STRN: variants seen among roughly 807,000 people sequenced by gnomAD.
The protein encoded by STRN is protein phosphatase 2 regulatory subunit B'''alpha.
In STRN, 53 loss-of-function variants were observed where a neutral mutation model predicts 96.3. The ratio of observed to expected loss-of-function variants is 0.55; its 90% CI spans 0.44 to 0.69. The LOEUF (loss-of-function observed/expected upper bound fraction) is 0.69, where lower values mean the gene tolerates loss of function less well. Among genes scored for constraint, STRN ranks in the 30% least tolerant of loss-of-function variants. The pLI, the probability that STRN is intolerant of heterozygous loss-of-function variation, is 0.00. For missense variants in STRN, 987 were observed against 963.9 expected (o/e 1.02, Z -0.32); for synonymous variants, 428 against 355.9 (o/e 1.20, Z -2.28).
intron 1 of STRN, among the ~76,000 whole-genome samples, chr2:36,947,836 C>T (rs1324528233): frequency 6.6e-6 from 1 of 151,560 alleles, no homozygotes; most frequent in Non-Finnish European, 1.5e-5. Flanking sequence ...GAGGTAAGTA[C>T]TGATCCCAAG....
At position 36,966,327 on chromosome 2, in the gene STRN, T is replaced by C; in HGVS notation, c.137A>G (p.Gln46Arg). ...GTGCAGGATCCCCGGGAGACTGTACTGGGCTCGGGCCGCCCCCGCCGCAGC... is the reference window on the plus strand; with the variant it reads ...GTGCAGGATCCCCGGGAGACTGTACCGGGCTCGGGCCGCCCCCGCCGCAGC... The part of the protein sequence containing the change: ...GAAAAGAARA[Q>R]YSLPGILHFL... The change falls in exon 1 of 18, where the codon CAG (glutamine) becomes CGG (arginine). Residue 46 changes from glutamine to arginine, a missense_variant. Coordinates refer to ENST00000263918, the MANE Select transcript of STRN (RefSeq NM_003162.4). The C allele has an allele frequency of 2.0e-6, 3 of 1,506,884 alleles. No individual in the cohort carries two copies. The highest frequency in any genetic ancestry group is 2.9e-5 in the East Asian group (1 of 34,986). 93.3% of individuals were successfully genotyped at this position (1,506,884 alleles called of 1,614,324 possible).
rs1001017079 is a variant in STRN at position 36,840,049 on chromosome 2, G to C, written c.*9407C>G. ...GAGCATCCTGAGGAACTTTGTCCCA[G>C]AATTTTCCTCTCCAAAGAAAGCTCC... On this transcript the variant is annotated 3_prime_UTR_variant, in exon 18 of 18. Transcript: ENST00000263918. 3.9e-5 allele frequency: 6 copies of C among 152,160 alleles called. No individual in the cohort carries two copies. The East Asian group carries it at 9.6e-4, about 24-fold the overall frequency. The allele number at this position is 152,160 out of a possible 1,614,324, so 9.4% of individuals were successfully genotyped here.
intron 13 of STRN, among the ~76,000 whole-genome samples, chr2:36,859,460 T>G (rs1392351965): frequency 1.3e-5 from 2 of 152,144 alleles, no homozygotes; most frequent in Non-Finnish European, 2.9e-5. Context: ...GGTTTCTAGT[T>G]TGGGTGATTC....
chr2:36,888,562 ATCACG>A (rs1454088526), intron 7 of STRN, among the ~76,000 whole-genome samples: 1 of 151,414 alleles, frequency 6.6e-6, no homozygotes. Context: ...CAATTCCCTC[ATCACG>A]TCTTTTACTC....
chr2:36,966,440 G>T lies in STRN; in HGVS notation c.24C>A (p.Gly8=). Residue 8 remains glycine (G), a synonymous_variant, in exon 1 of 18, where the codon GGC becomes GGA. Transcript: ENST00000263918. ...CCGGGTGGTTGTTGCTGAAGAAGACGCCGGGACCCGCCTGCTCGTCCATGG... is the reference window on the plus strand; with the variant it reads ...CCGGGTGGTTGTTGCTGAAGAAGACTCCGGGACCCGCCTGCTCGTCCATGG... MDEQAGP[G]VFFSNNHPGA... is the part of the protein sequence containing the mutation. 1 of 1,462,716 alleles carries T rather than the reference G, an allele frequency of 6.8e-7. No homozygotes were observed. The highest frequency in any genetic ancestry group is 1.5e-5 in the African/African-American group (1 of 68,054). 90.6% of individuals were successfully genotyped at this position (1,462,716 alleles called of 1,614,324 possible).
At chr2:36,894,099 T>G in intron 6 of STRN, 66 bp from the exon 7 acceptor site, 1 of 1,525,722 alleles carries the variant, frequency 6.6e-7, no homozygotes, top group Admixed American at 2.1e-5. Context: ...ATAAGAAAAT[T>G]CAATTATTTT....
intron 5 of STRN, among the ~76,000 whole-genome samples, chr2:36,902,069 T>C (rs1482217709): frequency 6.6e-6 from 1 of 152,164 alleles, no homozygotes; most frequent in Non-Finnish European, 1.5e-5. Flanking sequence ...TGATACATAA[T>C]CCAAAATGGA....
chr2:36,885,605 G>A (rs944655480), intron 8 of STRN, among the ~76,000 whole-genome samples: 8 of 152,054 alleles, frequency 5.3e-5, no homozygotes, highest in African/African-American at 1.9e-4. Flanking sequence ...ATCAATAACA[G>A]ACACTGACTT....
At chr2:36,938,255 G>A (rs1312756596) in intron 1 of STRN, among the ~76,000 whole-genome samples, 5 of 151,832 alleles carry the variant, frequency 3.3e-5, no homozygotes, top group African/African-American at 9.7e-5. Flanking sequence ...GCAAAACACC[G>A]CCTCTACTAA....
rs201385587 is a variant in STRN at position 36,867,820 on chromosome 2, G to A, written c.1541C>T (p.Ala514Val). Residue 514 changes from alanine to valine, a missense_variant, in exon 12 of 18, where the codon GCC (alanine) becomes GTC (valine). Coordinates refer to ENST00000263918, the MANE Select transcript of STRN (RefSeq NM_003162.4). ...AGAAAAAACATATACTTACTTATGG[G>A]CTCTGAATGTATAGATAGGTTCTAC... ...LDVEPIYTFR[A>V]HKGPVLCVVM... The A allele has an allele frequency of 1.9e-6, 3 of 1,578,468 alleles. No homozygotes were observed. The highest frequency in any genetic ancestry group is 2.3e-5 in the East Asian group (1 of 43,390).
At chr2:36,925,722 G>A (rs569510495) in intron 1 of STRN, among the ~76,000 whole-genome samples, 1 of 152,130 alleles carries the variant, frequency 6.6e-6, no homozygotes. Context: ...GCAGTAAGCC[G>A]AGATCACGCC....
chr2:36,902,402 T>C (rs1669710103), intron 5 of STRN, among the ~76,000 whole-genome samples, 182 bp downstream of exon 5: 2 of 152,276 alleles, frequency 1.3e-5, no homozygotes, highest in African/African-American at 2.4e-5. Context: ...TATTCTTGAA[T>C]TAAAATAGTC....
intron 1 of STRN, among the ~76,000 whole-genome samples, chr2:36,933,129 G>T (rs938042168): frequency 6.6e-6 from 1 of 150,862 alleles, no homozygotes; most frequent in Admixed American, 6.6e-5. Flanking sequence ...TTCTACACCT[G>T]CAGATTCAGT....
At chr2:36,943,748 G>A (rs1196908654) in intron 1 of STRN, among the ~76,000 whole-genome samples, 2 of 151,816 alleles carry the variant, frequency 1.3e-5, no homozygotes, top group South Asian at 2.1e-4. Flanking sequence ...AGGTTGCAGT[G>A]AGCCGAGATC....
chr2:36,898,373 G>A (rs1432800910), intron 6 of STRN, among the ~76,000 whole-genome samples: 1 of 152,168 alleles, frequency 6.6e-6, no homozygotes, highest in Non-Finnish European at 1.5e-5. Context: ...CTTTGGATAA[G>A]AAAAATTGGA....
chr2:36,940,900 C>T (rs1670829627), intron 1 of STRN, among the ~76,000 whole-genome samples: 2 of 150,468 alleles, frequency 1.3e-5, no homozygotes, highest in Non-Finnish European at 3.0e-5. Context: ...TGCCTGTAAT[C>T]CCAGCACTTT....
chr2:36,966,187 C>T, intron 1 of STRN, 43 bp downstream of exon 1: 1 of 1,491,248 alleles, frequency 6.7e-7, no homozygotes, highest in East Asian at 2.8e-5. Context: ...CGGAAGGGAG[C>T]AAAGAGGCGG....
intron 10 of STRN, among the ~76,000 whole-genome samples, chr2:36,875,502 C>T (rs1385121962): frequency 1.7e-5 from 1 of 57,144 alleles, no homozygotes; most frequent in Non-Finnish European, 3.6e-5. Context: ...TGAGACTCTG[C>T]CTCAAAAAAA....
At chr2:36,907,569 A>G (rs1484516549) in intron 3 of STRN, among the ~76,000 whole-genome samples, 2 of 152,132 alleles carry the variant, frequency 1.3e-5, no homozygotes, top group African/African-American at 4.8e-5. Flanking sequence ...GAAAGAAATT[A>G]AGTATTTACT....
Sources: allele counts gnomAD v4.1 joint callset (sites outside exome capture counted in the v4.1 genomes callset), GRCh38; gene constraint gnomAD v4.1.1; transcripts MANE v1.5; gene names NCBI Gene and HGNC (gene_info 2026-07-23, HGNC 2026-07-21).